The following PHKA1 variants were observed in gnomAD, a reference collection of about 807,000 sequenced individuals.
PHKA1 encodes the protein phosphorylase b kinase regulatory subunit alpha, skeletal muscle isoform.
Under a neutral mutation model 110.2 loss-of-function variants are expected in PHKA1, and 60 were observed. That is an observed-to-expected ratio of 0.54 (90% CI 0.44 to 0.68). The LOEUF (loss-of-function observed/expected upper bound fraction) is 0.68, where lower values mean the gene tolerates loss of function less well. Ranked by LOEUF, PHKA1 falls within the 30% of genes least tolerant of loss-of-function variation. PHKA1 has a pLI of 0.00. For missense variants in PHKA1, 801 were observed against 942.5 expected (o/e 0.85, Z 1.97); for synonymous variants, 316 against 333.6 (o/e 0.95, Z 0.58).
At chrX:72,598,901 A>G (rs1194607386) in intron 28 of PHKA1, among the ~76,000 whole-genome samples, 1 of 111,341 alleles carries the variant, frequency 9.0e-6, no homozygotes, top group African/African-American at 3.3e-5. Flanking sequence ...AGAGCCCCCA[A>G]ACATTTCTAC....
chrX:72,702,805 G>T (rs1556330352), intron 3 of PHKA1, among the ~76,000 whole-genome samples: 1 of 111,680 alleles, frequency 9.0e-6, no homozygotes, highest in African/African-American at 3.3e-5. Flanking sequence ...CCTACAAGCT[G>T]GGAACTGGTC....
chrX:72,701,607 T>A (rs1404207105), intron 3 of PHKA1, among the ~76,000 whole-genome samples: 4 of 110,678 alleles, frequency 3.6e-5, no homozygotes, highest in Non-Finnish European at 1.9e-5. Context: ...TAACCCCAGC[T>A]CCTCGGGAGG....
chrX:72,688,767 T>G (rs1168386511), intron 4 of PHKA1, among the ~76,000 whole-genome samples: 1 of 112,791 alleles, frequency 8.9e-6, no homozygotes, highest in African/African-American at 3.2e-5. Context: ...CTTATTTATA[T>G]CTGCATCTTC....
At chrX:72,633,763 C>T (rs982817886) in intron 16 of PHKA1, among the ~76,000 whole-genome samples, 4 of 111,855 alleles carry the variant, frequency 3.6e-5, no homozygotes, top group Non-Finnish European at 7.5e-5. Context: ...TTGCTCAAAA[C>T]CTTTTGATAG....
In PHKA1 at chrX:72,581,044, G is replaced by A. The variant is rs372291401; in HGVS notation, c.3630C>T (p.Tyr1210=). The A allele has an allele frequency of 1.1e-5, 13 of 1,209,319 alleles. No individual in the cohort carries two copies. The highest frequency in any genetic ancestry group is 1.0e-4 in the African/African-American group (6 of 57,231). Residue 1210 remains tyrosine (Y), a synonymous_variant, in exon 32 of 32, where the codon TAC becomes TAT. Coordinates refer to ENST00000373542, the MANE Select transcript of PHKA1 (RefSeq NM_002637.4). ...TGCTGTGGGGCAGGAACTCCTGCAC[G>A]TAGGTGGCGGCTGCCTTGGAGAGGT... The part of the protein sequence containing the change: ...MTYLSKAAAT[Y]VQEFLPHSIC...
intron 11 of PHKA1, among the ~76,000 whole-genome samples, chrX:72,652,912 T>C (rs1456920568): frequency 9.0e-6 from 1 of 111,430 alleles, no homozygotes; most frequent in Non-Finnish European, 1.9e-5. Context: ...TAACAAGCTC[T>C]CAGGTGGTGC....
At chrX:72,628,596 A>ATAT (rs782241152) in intron 16 of PHKA1, among the ~76,000 whole-genome samples, 1 of 95,239 alleles carries the variant, frequency 1.0e-5, no homozygotes, top group African/African-American at 4.3e-5. Context: ...ATATATATAT[A>ATAT]TTTTTTTTTT....
At chrX:72,682,356 C>T (rs1472087217) in intron 5 of PHKA1, among the ~76,000 whole-genome samples, 1 of 110,940 alleles carries the variant, frequency 9.0e-6, no homozygotes, top group Non-Finnish European at 1.9e-5. Flanking sequence ...CAGCCCCCTG[C>T]CCGGCCAGCC....
chrX:72,707,691 CAA>C (rs782368001), intron 2 of PHKA1, among the ~76,000 whole-genome samples: 5 of 108,246 alleles, frequency 4.6e-5, no homozygotes, highest in East Asian at 2.9e-4. Context: ...GCAAATATGA[CAA>C]AGTGTTAACA....
chrX:72,664,821 C>T (rs1175325645), intron 8 of PHKA1, among the ~76,000 whole-genome samples: 2 of 110,994 alleles, frequency 1.8e-5, no homozygotes, highest in Admixed American at 1.9e-4. Context: ...CAATGACCAA[C>T]GAGTCAATGA....
Position 72,592,025 on chromosome X carries a change from C to T in PHKA1, c.3243+1079G>A, listed in dbSNP as rs782396049. Among the ~76,000 whole-genome samples the T allele has an allele frequency of 5.4e-5, 6 of 111,788 alleles. No homozygotes were observed. In the East Asian group the frequency reaches 1.1e-3, roughly 21 times the overall value. On this transcript the variant is annotated intron_variant, in intron 29 of 31. Coordinates refer to ENST00000373542, the MANE Select transcript of PHKA1 (RefSeq NM_002637.4). ...ATCTTTTAACATTCTAGATACTTTGCTTATTTACTGTTTATTATTTATAAT... is the reference window on the plus strand; with the variant it reads ...ATCTTTTAACATTCTAGATACTTTGTTTATTTACTGTTTATTATTTATAAT...
chrX:72,696,281 C>T (rs1291754440), intron 3 of PHKA1, among the ~76,000 whole-genome samples: 1 of 111,323 alleles, frequency 9.0e-6, no homozygotes, highest in African/African-American at 3.3e-5. Flanking sequence ...GTAGAAATTT[C>T]GAAGTAAATT....
At chrX:72,631,881 G>A (rs1401505556) in intron 16 of PHKA1, among the ~76,000 whole-genome samples, 2 of 111,502 alleles carry the variant, frequency 1.8e-5, no homozygotes, top group African/African-American at 6.5e-5. Flanking sequence ...AAGTATTTAA[G>A]GATATGAAAT....
At chrX:72,707,630 C>CGTGTGTGTGTGT (rs61504690) in intron 2 of PHKA1, among the ~76,000 whole-genome samples, 12 of 93,660 alleles carry the variant, frequency 1.3e-4, no homozygotes, top group African/African-American at 3.5e-4. Context: ...ATCAAAAAAT[C>CGTGTGTGTGTGT]GTGTGTGTGT....
chrX:72,625,789 C>T (rs1317595789), intron 17 of PHKA1, among the ~76,000 whole-genome samples: 4 of 111,194 alleles, frequency 3.6e-5, no homozygotes, highest in African/African-American at 1.3e-4. Flanking sequence ...TCTCAGCCTC[C>T]CAAGTAGCTA....
At chrX:72,589,975 A>G (rs2147654115) in intron 29 of PHKA1, among the ~76,000 whole-genome samples, 1 of 111,715 alleles carries the variant, frequency 9.0e-6, no homozygotes, top group East Asian at 2.8e-4. Context: ...GGAAGAACCA[A>G]TATCATGAAA....
chrX:72,707,766 G>A (rs1353063535), intron 2 of PHKA1: 1 of 110,376 alleles, frequency 9.1e-6, no homozygotes, highest in Non-Finnish European at 1.9e-5. Context: ...CAACTTTCCT[G>A]TAAGTTTGAA....
chrX:72,661,183 TA>T (rs1414024196), intron 8 of PHKA1, among the ~76,000 whole-genome samples: 1 of 112,477 alleles, frequency 8.9e-6, no homozygotes, highest in African/African-American at 3.2e-5. Flanking sequence ...AGAACTTCAT[TA>T]AAATGAGATT....
chrX:72,691,255 C>T (rs1463047295), intron 4 of PHKA1, among the ~76,000 whole-genome samples: 4 of 112,504 alleles, frequency 3.6e-5, no homozygotes, highest in Non-Finnish European at 7.5e-5. Context: ...AATTCTATTC[C>T]AAAGAGCTAC....
Sources: allele counts gnomAD v4.1 joint callset (sites outside exome capture counted in the v4.1 genomes callset), GRCh38; gene constraint gnomAD v4.1.1; transcripts MANE v1.5; gene names NCBI Gene and HGNC (gene_info 2026-07-23, HGNC 2026-07-21).